The following GPC6 variants were observed in gnomAD, a reference collection of about 807,000 sequenced individuals.
The protein encoded by GPC6 is glypican 6.
Under a neutral mutation model 55.2 loss-of-function variants are expected in GPC6, and 14 were observed. The observed-to-expected ratio is 0.25, with a 90% CI of 0.17 to 0.40. The LOEUF (loss-of-function observed/expected upper bound fraction) is 0.40. Ranked by LOEUF, GPC6 falls within the 10% of genes least tolerant of loss-of-function variation. The pLI is 1.00. For synonymous variants in GPC6, 278 were observed against 259.6 expected, an observed-to-expected ratio of 1.07 and a Z score of -0.68; for missense variants, 641 against 708.5, an observed-to-expected ratio of 0.90 and a Z score of 1.08.
chr13:94,339,344 G>A (rs920071343), intron 6 of GPC6, among the ~76,000 whole-genome samples: 12 of 151,812 alleles, frequency 7.9e-5, no homozygotes, highest in African/African-American at 2.2e-4. Flanking sequence ...GATTACAGGC[G>A]TGAGCCATCG....
At position 93,424,331 on chromosome 13, in the gene GPC6, G is replaced by A. The variant is rs541160646; in HGVS notation, c.161-120932G>A. On this transcript the variant is annotated intron_variant, in intron 1 of 8. Transcript: ENST00000377047. The stretch of plus-strand genomic sequence containing the variant: ...GACCAAGTTATTGGATGTTGGTTGT[G>A]TTAGGGTTAGGGCATAATCTTAGGC... Among the ~76,000 whole-genome samples the A allele has an allele frequency of 2.6e-5, 4 of 152,288 alleles. No individual in the cohort carries two copies. The South Asian group carries it at 8.3e-4, about 32-fold the overall frequency.
chr13:93,368,983 A>G (rs972840040), intron 1 of GPC6, among the ~76,000 whole-genome samples: 1 of 151,942 alleles, frequency 6.6e-6, no homozygotes, highest in Non-Finnish European at 1.5e-5. Context: ...GGCTCCCCAT[A>G]TGGCCTTCAC....
At chr13:93,713,460 G>A (rs1180444374) in intron 2 of GPC6, among the ~76,000 whole-genome samples, 2 of 151,568 alleles carry the variant, frequency 1.3e-5, no homozygotes, top group African/African-American at 4.8e-5. Flanking sequence ...AAACAAAAAA[G>A]GGAGAGAATA....
chr13:94,044,932 T>C (rs957320905), intron 4 of GPC6, among the ~76,000 whole-genome samples: 2 of 151,932 alleles, frequency 1.3e-5, no homozygotes, highest in Non-Finnish European at 2.9e-5. Flanking sequence ...AAAGGATTTT[T>C]TTAAAACTAG....
At chr13:93,270,338 G>A (rs1430933226) in intron 1 of GPC6, among the ~76,000 whole-genome samples, 1 of 150,880 alleles carries the variant, frequency 6.6e-6, no homozygotes, top group Non-Finnish European at 1.5e-5. Context: ...CTTTTTCTGA[G>A]GTTTAAATAT....
chr13:94,189,098 G>T (rs1248274415), intron 4 of GPC6, among the ~76,000 whole-genome samples: 1 of 152,060 alleles, frequency 6.6e-6, no homozygotes, highest in Non-Finnish European at 1.5e-5. Context: ...TTCCTCAAGA[G>T]ACATTATCCC....
intron 2 of GPC6, among the ~76,000 whole-genome samples, chr13:93,713,062 T>C (rs904948356): frequency 2.6e-5 from 4 of 151,586 alleles, no homozygotes; most frequent in African/African-American, 4.8e-5. Context: ...CTCTTAGCAA[T>C]TTAAGAGATG....
At chr13:93,454,049 A>G (rs1180171464) in intron 1 of GPC6, among the ~76,000 whole-genome samples, 1 of 152,096 alleles carries the variant, frequency 6.6e-6, no homozygotes, top group African/African-American at 2.4e-5. Flanking sequence ...CCGTGTCCCC[A>G]CCAGATTAGT....
intron 2 of GPC6, among the ~76,000 whole-genome samples, chr13:93,709,724 T>C (rs754431021): frequency 4.6e-5 from 7 of 151,796 alleles, no homozygotes; most frequent in Non-Finnish European, 1.0e-4. Context: ...ACTGGGACTT[T>C]GGGTTTACTC....
chr13:93,340,687 G>T (rs998853251), intron 1 of GPC6, among the ~76,000 whole-genome samples: 38 of 152,278 alleles, frequency 2.5e-4, no homozygotes, highest in African/African-American at 8.9e-4. Flanking sequence ...AAGAATGGCA[G>T]CTGGAGTTTG....
chr13:93,248,593 G>C (rs971032076), intron 1 of GPC6, among the ~76,000 whole-genome samples: 9 of 152,116 alleles, frequency 5.9e-5, no homozygotes, highest in Non-Finnish European at 1.0e-4. Flanking sequence ...ACCTAATTAA[G>C]TATAAGAGAG....
At chr13:93,952,537 A>G (rs1300642607) in intron 3 of GPC6, among the ~76,000 whole-genome samples, 2 of 151,940 alleles carry the variant, frequency 1.3e-5, no homozygotes, top group Non-Finnish European at 2.9e-5. Flanking sequence ...TTCTTGTATC[A>G]TTTATCTTTT....
At chr13:94,287,006 GA>G (rs1282922019) in intron 5 of GPC6, among the ~76,000 whole-genome samples, 8 of 152,042 alleles carry the variant, frequency 5.3e-5, no homozygotes, top group African/African-American at 7.2e-5. Context: ...CACATGAAAA[GA>G]AAAAAAGTAG....
At chr13:93,603,293 A>C (rs75913268) in intron 2 of GPC6, among the ~76,000 whole-genome samples, 2,717 of 152,264 alleles carry the variant, frequency 0.018, 83 homozygotes, top group African/African-American at 0.062. Context: ...AGGCATGAGC[A>C]ACCACGCCCA....
intron 1 of GPC6, among the ~76,000 whole-genome samples, chr13:93,417,478 A>C (rs1229941899): frequency 6.6e-6 from 1 of 152,028 alleles, no homozygotes; most frequent in Non-Finnish European, 1.5e-5. Context: ...GCAGAGGATC[A>C]ATGGCCTTGT....
intron 2 of GPC6, among the ~76,000 whole-genome samples, chr13:93,658,485 A>G (rs962548638): frequency 8.6e-5 from 13 of 151,878 alleles, no homozygotes; most frequent in Admixed American, 5.9e-4. Flanking sequence ...CCATCTTACA[A>G]TTTTACCAGA....
rs7994837 is a variant in GPC6 at position 93,798,458 on chromosome 13, C to T, written c.320-31696C>T. ...AATAAGCGGCAGATGATATTTTGTC[C>T]AATTCAGTTAGATTTTGCAGTGCCA... On this transcript the variant is annotated intron_variant, in intron 2 of 8. Transcript: ENST00000377047. Among the ~76,000 whole-genome samples the T allele has an allele frequency of 4.7e-3, 714 of 152,150 alleles. 8 individuals carry two copies. The highest frequency in any genetic ancestry group is 0.016 in the African/African-American group (674 of 41,492).
At chr13:93,802,674 A>C (rs563698179) in intron 2 of GPC6, among the ~76,000 whole-genome samples, 36 of 152,228 alleles carry the variant, frequency 2.4e-4, no homozygotes, top group Non-Finnish European at 3.8e-4. Context: ...CCAGAATTAC[A>C]GTTGTGAGCC....
chr13:93,250,103 G>A (rs1326693159), intron 1 of GPC6, among the ~76,000 whole-genome samples: 1 of 152,116 alleles, frequency 6.6e-6, no homozygotes, highest in Non-Finnish European at 1.5e-5. Flanking sequence ...GAACCTCTCT[G>A]TGCCTTGATT....
Sources: gnomAD v4.1 joint callset for allele counts (sites outside exome capture counted in the v4.1 genomes callset) on GRCh38, gnomAD v4.1.1 for gene constraint, MANE v1.5 for transcripts, NCBI Gene and HGNC (gene_info 2026-07-23, HGNC 2026-07-21) for gene names.